The following TMEM143 variants were observed in gnomAD, a reference collection of about 807,000 sequenced individuals.
The protein encoded by TMEM143 is transmembrane protein 143.
A neutral mutation model predicts 40.3 loss-of-function variants in TMEM143; 45 were observed. The observed-to-expected ratio is 1.12, with a 90% CI of 0.88 to 1.43. The LOEUF (loss-of-function observed/expected upper bound fraction) is 1.43. Ranked by LOEUF, TMEM143 falls within the 40% of genes most tolerant of loss-of-function variation. The pLI, the probability that TMEM143 is intolerant of heterozygous loss-of-function variation, is 0.00. For synonymous variants in TMEM143, 299 were observed against 282.7 expected (o/e 1.06, Z -0.58); for missense variants, 620 against 613.4 (o/e 1.01, Z -0.11).
chr19:48,338,176 C>A (rs1444039603), intron 6 of TMEM143, among the ~76,000 whole-genome samples: 1 of 152,162 alleles, frequency 6.6e-6, no homozygotes, highest in African/African-American at 2.4e-5. Flanking sequence ...TCAGTCCCAA[C>A]CCCATTCTGC....
intron 3 of TMEM143, among the ~76,000 whole-genome samples, chr19:48,352,778 A>C (rs921705658): frequency 1.3e-5 from 2 of 151,932 alleles, no homozygotes; most frequent in Admixed American, 6.6e-5. Context: ...CTGTCTCAGA[A>C]AAAAATATAT....
At chr19:48,334,458 CTTTCTTTCTT>C (rs1157529274) in intron 6 of TMEM143, among the ~76,000 whole-genome samples, 5 of 50,488 alleles carry the variant, frequency 9.9e-5, no homozygotes, top group Non-Finnish European at 2.3e-4. Context: ...TTCTTTCTTT[CTTTCTTTCTT>C]TCTTTCTTTC....
In TMEM143 at chr19:48,360,188, G is replaced by C; in HGVS notation, c.265-12C>G. 1.2e-6 allele frequency: 2 copies of C among 1,613,682 alleles called. No individual in the cohort carries two copies. Among genetic ancestry groups the C allele is most frequent in the Non-Finnish European group, 1.7e-6 (2 of 1,179,740 alleles). On this transcript the variant is annotated splice_polypyrimidine_tract_variant and intron_variant, in intron 2 of 7. Coordinates refer to ENST00000293261, the MANE Select transcript of TMEM143 (RefSeq NM_018273.4). Reference sequence around the variant, plus strand: ...CTCGAGTGGAATTCCTGTTACCTCAGGAAGCAAAACTTCTCTGTAGGCCTT... The same window carrying C: ...CTCGAGTGGAATTCCTGTTACCTCACGAAGCAAAACTTCTCTGTAGGCCTT...
chr19:48,348,012 C>A (rs1353068777), intron 3 of TMEM143, among the ~76,000 whole-genome samples: 1 of 142,814 alleles, frequency 7.0e-6, no homozygotes, highest in African/African-American at 2.6e-5. Flanking sequence ...GGTGACAGAG[C>A]GAGACCCTGT....
intron 2 of TMEM143, among the ~76,000 whole-genome samples, chr19:48,362,778 G>A (rs936469797): frequency 7.9e-5 from 12 of 152,274 alleles, no homozygotes; most frequent in South Asian, 4.1e-4. Flanking sequence ...AAGCCACTAT[G>A]TTGTGGCCTT....
intron 6 of TMEM143, among the ~76,000 whole-genome samples, chr19:48,335,527 C>T (rs1969348922): frequency 6.6e-6 from 1 of 152,096 alleles, no homozygotes; most frequent in South Asian, 2.1e-4. Context: ...AAGTTCGAGA[C>T]CAGCCTGACC....
At position 48,345,343 on chromosome 19, in the gene TMEM143, G is replaced by C. The variant is rs1345734641; in HGVS notation, c.381C>G (p.Asp127Glu). 6.4e-7 allele frequency: 1 copy of C among 1,565,184 alleles called. No homozygotes were observed. The highest frequency in any genetic ancestry group is 1.9e-5 in the Admixed American group (1 of 53,030). Reference protein sequence around the residue: ...QILARLQALYDPINPDRETLD... With the variant: ...QILARLQALYEPINPDRETLD... ...GGGTCTCCCTGTCAGGGTTGATGGG[G>C]TCATATAAGGCCTAAGAGGAGAGTC... The change falls in exon 4 of 8, where the codon GAC becomes GAG. Residue 127 changes from aspartate to glutamate, a missense_variant. Physicochemically the swap from Asp to Glu is conservative, Grantham distance 45 (BLOSUM62 2). Transcript: ENST00000293261.
chr19:48,355,393 T>C (rs539684098), intron 3 of TMEM143, among the ~76,000 whole-genome samples: 1 of 152,214 alleles, frequency 6.6e-6, no homozygotes, highest in South Asian at 2.1e-4. Context: ...ATAGGTGCCC[T>C]GTGGAAGAGC....
At chr19:48,354,157 C>T (rs1969833496) in intron 3 of TMEM143, among the ~76,000 whole-genome samples, 1 of 151,662 alleles carries the variant, frequency 6.6e-6, no homozygotes, top group East Asian at 1.9e-4. Flanking sequence ...CGGGGTTTCA[C>T]CATGTTGGCC....
In TMEM143 at chr19:48,342,600, G is replaced by A; in HGVS notation, c.905C>T (p.Thr302Ile). The change falls in exon 6 of 8, where the codon ACC becomes ATC. Residue 302 changes from threonine to isoleucine, a missense_variant. Physicochemically the swap from Thr to Ile is moderately conservative, Grantham distance 89. Coordinates refer to ENST00000293261, the MANE Select transcript of TMEM143 (RefSeq NM_018273.4). ...CAGGGAGGTGGCCACCTTGAGGTCG[G>A]TTAGCACCACCATGCCCACGTTGAC... The part of the protein sequence containing the change: ...IFVNVGMVVL[T>I]DLKVATSLLL... The A allele has an allele frequency of 6.2e-7, 1 of 1,613,596 alleles. No individual in the cohort carries two copies. Among genetic ancestry groups the A allele is most frequent in the South Asian group, 1.1e-5 (1 of 91,086 alleles).
chr19:48,342,735 G>C lies in TMEM143; in HGVS notation c.770C>G (p.Thr257Arg), dbSNP rs761520512. Reference protein sequence around the residue: ...GHLVLKSFKDTPLEGLEQLLP... With the variant: ...GHLVLKSFKDRPLEGLEQLLP... Reference sequence around the variant, plus strand: ...CAGCTGCTCCAGGCCTTCCAGCGGCGTGTCCTTGAAACTCTTCAGTACCAG... The same window carrying C: ...CAGCTGCTCCAGGCCTTCCAGCGGCCTGTCCTTGAAACTCTTCAGTACCAG... The change falls in exon 6 of 8, where the codon ACG becomes AGG. Residue 257 changes from threonine to arginine, a missense_variant. Transcript: ENST00000293261. 3 of 1,614,116 alleles carry C rather than the reference G, an allele frequency of 1.9e-6. No individual in the cohort carries two copies. Among genetic ancestry groups the C allele is most frequent in the Admixed American group, 3.3e-5 (2 of 60,016 alleles).
At chr19:48,343,278 C>T in intron 5 of TMEM143, 43 bp downstream of exon 5, 1 of 1,594,140 alleles carries the variant, frequency 6.3e-7, no homozygotes, top group Non-Finnish European at 8.5e-7. Context: ...TGACTCTAAC[C>T]TTGCTCCCTC....
At chr19:48,355,998 C>T (rs1482942656) in intron 3 of TMEM143, among the ~76,000 whole-genome samples, 6 of 152,218 alleles carry the variant, frequency 3.9e-5, no homozygotes, top group South Asian at 2.1e-4. Flanking sequence ...GTACTGCTTG[C>T]GTGTTGTCAC....
chr19:48,355,324 C>A (rs1969864606), intron 3 of TMEM143, among the ~76,000 whole-genome samples: 1 of 152,114 alleles, frequency 6.6e-6, no homozygotes, highest in South Asian at 2.1e-4. Flanking sequence ...ACATACCAAG[C>A]CCAGCCTTAA....
At chr19:48,360,247 G>A (rs1045112181) in intron 2 of TMEM143, 71 bp from the exon 3 acceptor site, 7 of 1,441,608 alleles carry the variant, frequency 4.9e-6, no homozygotes, top group Middle Eastern at 1.7e-4. Flanking sequence ...TTCTTTCCCT[G>A]GCTGCCTAAC....
At chr19:48,350,741 G>A (rs1331295195) in intron 3 of TMEM143, among the ~76,000 whole-genome samples, 1 of 151,846 alleles carries the variant, frequency 6.6e-6, no homozygotes, top group Non-Finnish European at 1.5e-5. Context: ...GGCCAACATG[G>A]TGAAACCCCG....
At position 48,332,515 on chromosome 19, in the gene TMEM143, C is replaced by A. The variant is rs530010107; in HGVS notation, c.*704G>T. On this transcript the variant is annotated 3_prime_UTR_variant, in exon 8 of 8. Coordinates refer to ENST00000293261, the MANE Select transcript of TMEM143 (RefSeq NM_018273.4). ...GGGCGAGGAAGGCACCTGAGGTTGC[C>A]GGGAGCCAGGTTGGGAGCGAGTCTT... 1 of 151,750 alleles carries A rather than the reference C, an allele frequency of 6.6e-6. No individual in the cohort carries two copies. The highest frequency in any genetic ancestry group is 1.9e-4 in the East Asian group (1 of 5,182). 9.4% of individuals were successfully genotyped at this position (151,750 alleles called of 1,614,324 possible).
intron 3 of TMEM143, among the ~76,000 whole-genome samples, chr19:48,345,941 T>C (rs1569030130): frequency 1.5e-5 from 2 of 134,852 alleles, no homozygotes; most frequent in African/African-American, 2.8e-5. Context: ...CACGCCACCA[T>C]GCCCGGTTAA....
chr19:48,363,178 CTACAACT>C, intron 2 of TMEM143, 106 bp downstream of exon 2: 2 of 1,418,198 alleles, frequency 1.4e-6, no homozygotes, highest in Non-Finnish European at 1.9e-6. Flanking sequence ...GACCCGGGAA[CTACAACT>C]CCCAGGAGGC....
Sources: allele counts gnomAD v4.1 joint callset (sites outside exome capture counted in the v4.1 genomes callset), GRCh38; gene constraint gnomAD v4.1.1; transcripts MANE v1.5; gene names NCBI Gene and HGNC (gene_info 2026-07-23, HGNC 2026-07-21).